Variants in PTPRN2 observed in about 807,000 individuals in gnomAD.
PTPRN2 encodes receptor-type tyrosine-protein phosphatase N2.
A neutral mutation model predicts 118.8 loss-of-function variants in PTPRN2; 74 were observed. That is an observed-to-expected ratio of 0.62 (90% CI 0.52 to 0.76). The LOEUF (loss-of-function observed/expected upper bound fraction) is 0.76, where lower values mean the gene tolerates loss of function less well. PTPRN2 is among the 30% of genes least tolerant of loss of function. The pLI is 0.00. For missense variants in PTPRN2, 1,481 were observed against 1,394.4 expected, an observed-to-expected ratio of 1.06 and a Z score of -0.99; for synonymous variants, 641 against 608.0, an observed-to-expected ratio of 1.05 and a Z score of -0.80.
intron 11 of PTPRN2, among the ~76,000 whole-genome samples, chr7:158,048,862 T>C: frequency 6.8e-6 from 1 of 148,094 alleles, no homozygotes; most frequent in Non-Finnish European, 1.5e-5. Flanking sequence ...CCAATATCAC[T>C]ATCACCATCA....
At chr7:157,689,857 G>A (rs1334329008) in intron 12 of PTPRN2, among the ~76,000 whole-genome samples, 1 of 151,374 alleles carries the variant, frequency 6.6e-6, no homozygotes, top group Non-Finnish European at 1.5e-5. Flanking sequence ...GCAATTCGCC[G>A]CCCGCTGGGA....
chr7:158,102,694 G>A (rs1815328705), intron 10 of PTPRN2, among the ~76,000 whole-genome samples: 1 of 152,144 alleles, frequency 6.6e-6, no homozygotes, highest in Admixed American at 6.5e-5. Flanking sequence ...GGAGGGATGA[G>A]GCCTTTGTTG....
At position 157,785,131 on chromosome 7, in the gene PTPRN2, G is replaced by A. The variant is rs892552378; in HGVS notation, c.1789-102194C>T. Among the ~76,000 whole-genome samples the A allele has an allele frequency of 7.2e-5, 11 of 152,150 alleles. No individual in the cohort carries two copies. Among genetic ancestry groups the A allele is most frequent in the African/African-American group, 2.7e-4 (11 of 41,426 alleles). On this transcript the variant is annotated intron_variant, in intron 12 of 22. Coordinates refer to ENST00000389418, the MANE Select transcript of PTPRN2 (RefSeq NM_002847.5). The surrounding 1 kb of genome is among the most constrained non-coding windows in gnomAD (Gnocchi z 7.3). ...CAGAATGTTGGCACAGCGGCGAGAA[G>A]GCTGACCGAACACCGAGAAGCAGCC...
chr7:157,638,604 G>A (rs57992718), intron 14 of PTPRN2, among the ~76,000 whole-genome samples: 12,889 of 152,338 alleles, frequency 0.085, 956 homozygotes, highest in African/African-American at 0.2. Flanking sequence ...TCAGGGTGAA[G>A]AGTTAGAGGT....
intron 2 of PTPRN2, among the ~76,000 whole-genome samples, chr7:158,460,764 A>G (rs1214085004): frequency 6.6e-6 from 1 of 152,216 alleles, no homozygotes; most frequent in East Asian, 1.9e-4. Context: ...TTCCTCAACC[A>G]TCGTTCATGA....
chr7:158,150,952 T>C (rs1458980581), intron 6 of PTPRN2, among the ~76,000 whole-genome samples: 1 of 151,850 alleles, frequency 6.6e-6, no homozygotes, highest in African/African-American at 2.4e-5. Flanking sequence ...TATTATTCTG[T>C]GCATCCCACC....
intron 11 of PTPRN2, among the ~76,000 whole-genome samples, chr7:158,043,952 C>T (rs992812794): frequency 1.3e-5 from 2 of 152,208 alleles, no homozygotes; most frequent in Non-Finnish European, 1.5e-5. Flanking sequence ...ACGCTGACCA[C>T]GTCACTCGAC....
intron 11 of PTPRN2, among the ~76,000 whole-genome samples, chr7:158,014,994 T>C (rs1806342383): frequency 6.6e-6 from 1 of 152,236 alleles, no homozygotes; most frequent in African/African-American, 2.4e-5. Context: ...TTTAAGAGAA[T>C]AAGAACTTCT....
rs1797410188 is a variant in PTPRN2 at position 157,690,308 on chromosome 7, G to T, written c.1789-7371C>A. On this transcript the variant is annotated intron_variant, in intron 12 of 22. Coordinates refer to ENST00000389418, the MANE Select transcript of PTPRN2 (RefSeq NM_002847.5). The surrounding 1 kb of genome is among the most constrained non-coding windows in gnomAD (Gnocchi z 7.1). Reference sequence around the variant, plus strand: ...CTGCCGGCCCAAGCCTTTGACAGGAGTCCTGCGGCGAGGCAGAGACCCCCT... The same window carrying T: ...CTGCCGGCCCAAGCCTTTGACAGGATTCCTGCGGCGAGGCAGAGACCCCCT... Among the ~76,000 whole-genome samples the T allele has an allele frequency of 6.6e-6, 1 of 152,230 alleles. No individual in the cohort carries two copies. The highest frequency in any genetic ancestry group is 1.5e-5 in the Non-Finnish European group (1 of 68,036).
chr7:158,566,217 G>C (rs1162433226), intron 1 of PTPRN2, among the ~76,000 whole-genome samples: 1 of 152,140 alleles, frequency 6.6e-6, no homozygotes, highest in African/African-American at 2.4e-5. Context: ...AACTGGGCGT[G>C]GTGGCGGGCA....
At position 157,929,430 on chromosome 7, in the gene PTPRN2, T is replaced by C. The variant is rs916978632; in HGVS notation, c.1724-30693A>G. ...CCTGAGGGCTTCAGTCCTCGGTTTG[T>C]TCCTTTTAGGAGGAAGCCACCGGAT... On this transcript the variant is annotated intron_variant, in intron 11 of 22. Coordinates refer to ENST00000389418, the MANE Select transcript of PTPRN2 (RefSeq NM_002847.5). The surrounding 1 kb of genome is among the most constrained non-coding windows in gnomAD (Gnocchi z 4.4). Among the ~76,000 whole-genome samples, 10 of 152,252 alleles carry C rather than the reference T, an allele frequency of 6.6e-5. No homozygotes were observed. Among genetic ancestry groups the C allele is most frequent in the African/African-American group, 2.2e-4 (9 of 41,544 alleles).
At chr7:158,182,566 A>G (rs1194197674) in intron 5 of PTPRN2, among the ~76,000 whole-genome samples, 2 of 152,156 alleles carry the variant, frequency 1.3e-5, no homozygotes, top group African/African-American at 2.4e-5. Context: ...ATGTGAGAAC[A>G]TGCAGTGTTT....
intron 1 of PTPRN2, among the ~76,000 whole-genome samples, chr7:158,542,446 C>G (rs1450165692): frequency 1.3e-5 from 2 of 152,250 alleles, no homozygotes; most frequent in African/African-American, 4.8e-5. Flanking sequence ...AGCCACGGTG[C>G]CTGGCCTTTT....
chr7:158,476,461 GAATGACTGT>G (rs1351471747), intron 2 of PTPRN2, among the ~76,000 whole-genome samples: 1 of 152,262 alleles, frequency 6.6e-6, no homozygotes, highest in Non-Finnish European at 1.5e-5. Context: ...GCCAGCACAT[GAATGACTGT>G]AAGTCACCAA....
intron 14 of PTPRN2, among the ~76,000 whole-genome samples, chr7:157,639,183 T>C (rs561625750): frequency 3.0e-4 from 46 of 152,102 alleles, no homozygotes; most frequent in Non-Finnish European, 5.7e-4. Flanking sequence ...ATTATAGGCA[T>C]GCGCCACCAA....
intron 1 of PTPRN2, among the ~76,000 whole-genome samples, chr7:158,530,875 C>G (rs187380162): frequency 3.9e-4 from 59 of 152,318 alleles, no homozygotes; most frequent in African/African-American, 1.4e-3. Context: ...AGGACGTTCA[C>G]TCAGCAGAGC....
intron 1 of PTPRN2, among the ~76,000 whole-genome samples, chr7:158,556,777 G>A (rs1827032473): frequency 6.7e-6 from 1 of 149,796 alleles, no homozygotes; most frequent in Non-Finnish European, 1.5e-5. Flanking sequence ...CTCCCACGCA[G>A]GTCGCTCCCA....
chr7:157,729,628 G>T lies in PTPRN2; in HGVS notation c.1789-46691C>A, dbSNP rs1040438126. 1.3e-5 allele frequency among the ~76,000 whole-genome samples: 2 copies of T among 152,234 alleles called. No individual in the cohort carries two copies. Among genetic ancestry groups the T allele is most frequent in the African/African-American group, 4.8e-5 (2 of 41,458 alleles). ...GAGACCTGCAAAGGGCCATCCTGGG[G>T]TCCGAGGGCTTCCTGGTCCTGACCC... On this transcript the variant is annotated intron_variant, in intron 12 of 22. Transcript: ENST00000389418. The surrounding 1 kb of genome is among the most constrained non-coding windows in gnomAD (Gnocchi z 4.3).
intron 2 of PTPRN2, among the ~76,000 whole-genome samples, chr7:158,317,994 G>A (rs926048960): frequency 1.3e-5 from 2 of 152,216 alleles, no homozygotes; most frequent in Non-Finnish European, 2.9e-5. Context: ...GCAGCTGCGC[G>A]GGCGGGCGGA....
Sources: allele counts gnomAD v4.1 joint callset (sites outside exome capture counted in the v4.1 genomes callset), GRCh38; gene constraint gnomAD v4.1.1; non-coding constraint Gnocchi (gnomAD v3.1); transcripts MANE v1.5; gene names NCBI Gene and HGNC (gene_info 2026-07-23, HGNC 2026-07-21).